The following CRTC3 variants were observed in gnomAD, a reference collection of about 807,000 sequenced individuals.
The protein encoded by CRTC3 is CREB-regulated transcription coactivator 3.
In CRTC3, 26 loss-of-function variants were observed where a neutral mutation model predicts 74.5. The observed-to-expected ratio is 0.35, with a 90% confidence interval of 0.26 to 0.48. The LOEUF is 0.48. CRTC3 is among the 20% of genes least tolerant of loss of function. The pLI is 0.99. For synonymous variants in CRTC3, 377 were observed against 325.8 expected (o/e 1.16, Z -1.69); for missense variants, 760 against 787.3 (o/e 0.97, Z 0.41).
intron 6 of CRTC3, among the ~76,000 whole-genome samples, chr15:90,610,731 G>A (rs1177629117): frequency 6.6e-6 from 1 of 152,196 alleles, no homozygotes; most frequent in Non-Finnish European, 1.5e-5. Context: ...GGGAAGCACA[G>A]GACTCTGTGG....
In CRTC3 at chr15:90,556,661, A is replaced by G. The variant is rs187643731; in HGVS notation, c.231+16524A>G. Among the ~76,000 whole-genome samples, 230 of 152,280 alleles carry G rather than the reference A, an allele frequency of 1.5e-3. 1 individual carries two copies. Among genetic ancestry groups the G allele is most frequent in the African/African-American group, 5.3e-3 (219 of 41,558 alleles). ...ATACGTCTTATATATTGACTTAAAA[A>G]CTTAATTTGTTTGAAAATGGACAGC... On this transcript the variant is annotated intron_variant, in intron 2 of 14. Coordinates refer to ENST00000268184, the MANE Select transcript of CRTC3 (RefSeq NM_022769.5).
chr15:90,632,514 T>C (rs894362472), intron 11 of CRTC3, among the ~76,000 whole-genome samples: 3 of 152,252 alleles, frequency 2.0e-5, no homozygotes, highest in Non-Finnish European at 4.4e-5. Flanking sequence ...GGGCTTGTTA[T>C]AGAAAAACAG....
intron 2 of CRTC3, among the ~76,000 whole-genome samples, chr15:90,546,465 A>G (rs1021952834): frequency 6.6e-6 from 1 of 152,068 alleles, no homozygotes; most frequent in Non-Finnish European, 1.5e-5. Flanking sequence ...CTAATACCAC[A>G]CTGTCTTGAT....
At position 90,644,652 on chromosome 15, in the gene CRTC3, G is replaced by A. The variant is rs1030729162; in HGVS notation, c.*2512G>A. Reference sequence around the variant, plus strand: ...CTATGAGTGAGTCCGATCTTTTCTTGTGAAAGGTTTTGGGCATCGTACAAC... The same window carrying A: ...CTATGAGTGAGTCCGATCTTTTCTTATGAAAGGTTTTGGGCATCGTACAAC... On this transcript the variant is annotated 3_prime_UTR_variant, in exon 15 of 15. Transcript: ENST00000268184. 1.3e-5 allele frequency: 3 copies of A among 232,300 alleles called. No homozygotes were observed. The highest frequency in any genetic ancestry group is 2.6e-5 in the Non-Finnish European group (3 of 117,468). 14.4% of individuals were successfully genotyped at this position (232,300 alleles called of 1,614,324 possible).
In CRTC3 at chr15:90,619,784, G is replaced by A. The variant is rs1968593180; in HGVS notation, c.743G>A (p.Gly248Asp). Residue 248 changes from glycine to aspartate, a missense_variant, in exon 9 of 15, where the codon GGT becomes GAT. This residue lies in a region of CRTC3 where 652 missense variants were observed against 635.2 expected (regional missense o/e 1.03). Coordinates refer to ENST00000268184, the MANE Select transcript of CRTC3 (RefSeq NM_022769.5). ...CGCCCTCGATCCTGTGATGTTGGAG[G>A]TGGCAAGTAAGTAATATTCTTTCTG... The part of the protein sequence containing the change: ...SGRPRSCDVG[G>D]GNAFPHNGQN... 1 of 1,613,160 alleles carries A rather than the reference G, an allele frequency of 6.2e-7. No individual in the cohort carries two copies. Among genetic ancestry groups the A allele is most frequent in the Non-Finnish European group, 8.5e-7 (1 of 1,179,106 alleles).
chr15:90,538,417 A>G (rs186084765), intron 1 of CRTC3, among the ~76,000 whole-genome samples: 14 of 152,328 alleles, frequency 9.2e-5, no homozygotes, highest in Admixed American at 9.2e-4. Flanking sequence ...CAGTACATTT[A>G]AGAAATCAAA....
At chr15:90,544,249 C>T (rs1378341204) in intron 2 of CRTC3, among the ~76,000 whole-genome samples, 2 of 152,140 alleles carry the variant, frequency 1.3e-5, no homozygotes, top group Non-Finnish European at 2.9e-5. Context: ...ACACGACTTT[C>T]TTCATTGTTT....
rs751035838 is a variant in CRTC3, at chr15:90,593,664, G to A, written c.260G>A (p.Arg87Gln). 3.1e-6 allele frequency: 5 copies of A among 1,610,198 alleles called. No individual in the cohort carries two copies. The highest frequency in any genetic ancestry group is 2.2e-5 in the South Asian group (2 of 90,932). Residue 87 changes from arginine (R) to glutamine (Q), a missense_variant, in exon 3 of 15, where the codon CGG becomes CAG. Physicochemically the swap from Arg to Gln is conservative, Grantham distance 43 (BLOSUM62 1). This residue lies in a region of CRTC3 where 108 missense variants were observed against 152.1 expected (regional missense o/e 0.71). Transcript: ENST00000268184. ...TCATTTCACCAAGCTGATAATGTTC[G>A]GGGAACCCGCCATCACGGGCTGGTG... ...QPSFHQADNV[R>Q]GTRHHGLVER...
At chr15:90,574,518 A>T (rs955144947) in intron 2 of CRTC3, among the ~76,000 whole-genome samples, 1 of 152,132 alleles carries the variant, frequency 6.6e-6, no homozygotes, top group Admixed American at 6.5e-5. Context: ...AATGAACAAC[A>T]TTATGCACAT....
At position 90,540,080 on chromosome 15, in the gene CRTC3, C is replaced by T. The variant is rs374582569; in HGVS notation, c.174C>T (p.Tyr58=). 13 of 1,613,532 alleles carry T rather than the reference C, an allele frequency of 8.1e-6. No homozygotes were observed. The South Asian group carries it at 1.3e-4, about 16-fold the overall frequency. ...TTCAGCAACTGCGCCTTACACAGTA[C>T]CATGGAGGATCCTTACCAAATGTGA... ...QKLQQLRLTQ[Y]HGGSLPNVSQ... The change falls in exon 2 of 15, where the codon TAC becomes TAT. Residue 58 remains tyrosine, a synonymous_variant. Coordinates refer to ENST00000268184, the MANE Select transcript of CRTC3 (RefSeq NM_022769.5).
chr15:90,566,141 G>T (rs1444650838), intron 2 of CRTC3, among the ~76,000 whole-genome samples: 1 of 152,184 alleles, frequency 6.6e-6, no homozygotes, highest in African/African-American at 2.4e-5. Context: ...TTAAGCCAAA[G>T]GCTAATCTAG....
At chr15:90,587,105 A>G (rs1277744062) in intron 2 of CRTC3, among the ~76,000 whole-genome samples, 1 of 152,252 alleles carries the variant, frequency 6.6e-6, no homozygotes, top group Non-Finnish European at 1.5e-5. Context: ...ATAGATCAAT[A>G]GTGTCTAAAT....
intron 2 of CRTC3, among the ~76,000 whole-genome samples, chr15:90,556,664 T>G (rs1966896309): frequency 6.6e-6 from 1 of 152,152 alleles, no homozygotes; most frequent in Non-Finnish European, 1.5e-5. Flanking sequence ...CTTAAAAACT[T>G]AATTTGTTTG....
At chr15:90,553,240 G>A (rs763422028) in intron 2 of CRTC3, among the ~76,000 whole-genome samples, 1 of 152,078 alleles carries the variant, frequency 6.6e-6, no homozygotes, top group Admixed American at 6.6e-5. Flanking sequence ...CATGCACTTT[G>A]CAACTCTGAT....
intron 2 of CRTC3, among the ~76,000 whole-genome samples, chr15:90,572,135 G>A (rs957965470): frequency 5.5e-5 from 8 of 144,558 alleles, no homozygotes; most frequent in East Asian, 4.0e-4. Flanking sequence ...GTACTCCAGC[G>A]TGGCTGACAG....
intron 2 of CRTC3, among the ~76,000 whole-genome samples, chr15:90,549,403 A>G (rs1340732089): frequency 6.6e-6 from 1 of 152,166 alleles, no homozygotes; most frequent in Non-Finnish European, 1.5e-5. Flanking sequence ...AATTAATAAA[A>G]TTGCAATTAA....
Position 90,530,304 on chromosome 15 carries a change from C to T in CRTC3, c.132+101C>T. On this transcript the variant is annotated intron_variant, in intron 1 of 14. Coordinates refer to ENST00000268184, the MANE Select transcript of CRTC3 (RefSeq NM_022769.5). This position sits in a 1 kb window ranked among gnomAD's most constrained non-coding sequence, Gnocchi z 6.2. ...GGGCCAAGGCGATGGCGGGGCCGGG[C>T]GGGGGCCGCGCCCGGGAACCGGCGG... 3 of 695,780 alleles carry T rather than the reference C, an allele frequency of 4.3e-6. No individual in the cohort carries two copies. The highest frequency in any genetic ancestry group is 5.3e-6 in the Non-Finnish European group (3 of 565,134). 43.1% of individuals were successfully genotyped at this position (695,780 alleles called of 1,614,324 possible). A position where few individuals can be genotyped will look rare whatever the true frequency, so the allele number is the denominator to read the frequency against.
In CRTC3 at chr15:90,540,268, A is replaced by G. The variant is rs1966781906; in HGVS notation, c.231+131A>G. 4 of 621,778 alleles carry G rather than the reference A, an allele frequency of 6.4e-6. 1 individual carries two copies. The Admixed American group carries it at 1.4e-4, about 21-fold the overall frequency. 38.5% of individuals were successfully genotyped at this position (621,778 alleles called of 1,614,324 possible). A position where few individuals can be genotyped will look rare whatever the true frequency, so the allele number is the denominator to read the frequency against. On this transcript the variant is annotated intron_variant, in intron 2 of 14. Transcript: ENST00000268184. ...AGTTCAGTCTTCTTTTGGAAAGTCCATTAATATTCTCTCTCATAGTTTCTA... is the reference window on the plus strand; with the variant it reads ...AGTTCAGTCTTCTTTTGGAAAGTCCGTTAATATTCTCTCTCATAGTTTCTA...
chr15:90,629,099 T>C (rs556577393), intron 10 of CRTC3, 135 bp from the exon 11 acceptor site: 8 of 774,160 alleles, frequency 1.0e-5, no homozygotes, highest in Non-Finnish European at 1.4e-5. Flanking sequence ...GCAGTCCCTG[T>C]AGGAGAGCTG....
Sources: allele counts gnomAD v4.1 joint callset (sites outside exome capture counted in the v4.1 genomes callset), GRCh38; gene constraint gnomAD v4.1.1; regional missense constraint gnomAD v4.1.1; non-coding constraint Gnocchi (gnomAD v3.1); transcripts MANE v1.5; gene names NCBI Gene and HGNC (gene_info 2026-07-23, HGNC 2026-07-21).